KCNQ4: variants seen among roughly 807,000 people sequenced by gnomAD.
The protein encoded by KCNQ4 is potassium voltage-gated channel subfamily KQT member 4.
In KCNQ4, 31 loss-of-function variants were observed where a neutral mutation model predicts 72.6. The ratio of observed to expected loss-of-function variants is 0.43; its 90% confidence interval spans 0.32 to 0.58. The LOEUF (loss-of-function observed/expected upper bound fraction) is 0.58. Ranked by LOEUF, KCNQ4 falls within the 20% of genes least tolerant of loss-of-function variation. The pLI, the probability that KCNQ4 is intolerant of heterozygous loss-of-function variation, is 0.08. For synonymous variants in KCNQ4, 405 were observed against 403.7 expected (o/e 1.00, Z -0.04); for missense variants, 869 against 962.6 (o/e 0.90, Z 1.29).
At chr1:40,816,965 G>T (rs1424909507) in intron 1 of KCNQ4, among the ~76,000 whole-genome samples, 1 of 152,234 alleles carries the variant, frequency 6.6e-6, no homozygotes, top group Non-Finnish European at 1.5e-5. Context: ...GAGGAACCCT[G>T]AGTCAGTCTA....
chr1:40,799,444 G>A (rs1038459191), intron 1 of KCNQ4, among the ~76,000 whole-genome samples: 12 of 143,728 alleles, frequency 8.3e-5, no homozygotes, highest in African/African-American at 2.1e-4. Context: ...CCCCCCCCTC[G>A]CTAGGCAGTA....
In KCNQ4 at chr1:40,831,255, C is replaced by T. The variant is rs546996512; in HGVS notation, c.1464C>T (p.Arg488=). The T allele has an allele frequency of 5.7e-5, 92 of 1,608,124 alleles. No homozygotes were observed. The highest frequency in any genetic ancestry group is 7.8e-5 in the Non-Finnish European group (92 of 1,177,504). ...AAAAGAGCTGGAGCTTCAATGACCG[C>T]ACCCGCTTCCGGGCATCTCTGAGAC... is the stretch of plus-strand genomic sequence containing the variant. ...KVQKSWSFND[R]TRFRASLRLK... The change falls in exon 10 of 14, where the codon CGC becomes CGT. Residue 488 remains arginine, a synonymous_variant. Coordinates refer to ENST00000347132, the MANE Select transcript of KCNQ4 (RefSeq NM_004700.4).
chr1:40,819,605 C>A, intron 5 of KCNQ4, 133 bp downstream of exon 5: 1 of 1,233,670 alleles, frequency 8.1e-7, no homozygotes, highest in Non-Finnish European at 1.2e-6. Flanking sequence ...AGCTGGGACC[C>A]CCCTGAGACC....
intron 1 of KCNQ4, among the ~76,000 whole-genome samples, chr1:40,814,017 G>A (rs988988074): frequency 6.9e-6 from 1 of 145,814 alleles, no homozygotes; most frequent in Non-Finnish European, 1.5e-5. Flanking sequence ...AAAGTACTGG[G>A]ATTACAGGCG....
At chr1:40,815,298 C>T (rs1648052965) in intron 1 of KCNQ4, among the ~76,000 whole-genome samples, 1 of 151,748 alleles carries the variant, frequency 6.6e-6, no homozygotes, top group Admixed American at 6.6e-5. Context: ...AAGAAGAAGT[C>T]CCCAGAGTGG....
Position 40,820,239 on chromosome 1 carries a change from G to C in KCNQ4, c.1020G>C (p.Met340Ile). 1 of 1,608,104 alleles carries C rather than the reference G, an allele frequency of 6.2e-7. No homozygotes were observed. The highest frequency in any genetic ancestry group is 8.5e-7 in the Non-Finnish European group (1 of 1,177,458). Reference protein sequence around the residue: ...HRQKHFEKRRMPAANLIQAAW... With the variant: ...HRQKHFEKRRIPAANLIQAAW... ...AGAAGCACTTCGAGAAGCGGAGGATGCCGGCAGCCAACCTCATCCAGGTAC... is the reference window on the plus strand; with the variant it reads ...AGAAGCACTTCGAGAAGCGGAGGATCCCGGCAGCCAACCTCATCCAGGTAC... The change falls in exon 7 of 14, where the codon ATG becomes ATC. Residue 340 changes from methionine to isoleucine, a missense_variant. Physicochemically the swap from Met to Ile is conservative, Grantham distance 10. Around this residue, in one of 5 missense-constraint regions of KCNQ4, gnomAD observed 19 missense variants for 26.4 expected, o/e 0.72. Transcript: ENST00000347132.
intron 7 of KCNQ4, 136 bp from the exon 8 acceptor site, chr1:40,822,178 C>A (rs925243429): frequency 1.4e-6 from 1 of 725,736 alleles, no homozygotes; most frequent in East Asian, 2.7e-5. Context: ...CTGTCAGTGG[C>A]TGTGGAATTG....
In KCNQ4 at chr1:40,835,108, C is replaced by G. The variant is rs1162865213; in HGVS notation, c.1745+10C>G. The G allele has an allele frequency of 6.2e-7, 1 of 1,612,070 alleles. No individual in the cohort carries two copies. Among genetic ancestry groups the G allele is most frequent in the African/African-American group, 1.3e-5 (1 of 74,866 alleles). On this transcript the variant is annotated intron_variant, in intron 12 of 13. Transcript: ENST00000347132. ...AGAGCCTGCAAACTCGGTGGGTGCA[C>G]CGGGCCTGTTGGGAGGCAGGGGCAG...
At position 40,788,726 on chromosome 1, in the gene KCNQ4, G is replaced by A. The variant is rs1416073239; in HGVS notation, c.314+4319G>A. Among the ~76,000 whole-genome samples the A allele has an allele frequency of 6.6e-6, 1 of 152,142 alleles. No individual in the cohort carries two copies. Among genetic ancestry groups the A allele is most frequent in the Non-Finnish European group, 1.5e-5 (1 of 68,020 alleles). The stretch of plus-strand genomic sequence containing the variant: ...CTGTGTCATCTGTCCGTCCATCCCA[G>A]CACCCCGCACACAGTCAGCAGGGGG... On this transcript the variant is annotated intron_variant, in intron 1 of 13. Coordinates refer to ENST00000347132, the MANE Select transcript of KCNQ4 (RefSeq NM_004700.4). The surrounding 1 kb of genome is among the most constrained non-coding windows in gnomAD (Gnocchi z 4.5).
At chr1:40,822,185 A>C in intron 7 of KCNQ4, 129 bp from the exon 8 acceptor site, 1 of 757,546 alleles carries the variant, frequency 1.3e-6, no homozygotes, top group Non-Finnish European at 2.3e-6. Flanking sequence ...TGGCTGTGGA[A>C]TTGGAACTGG....
chr1:40,831,177 C>A lies in KCNQ4; in HGVS notation c.1386C>A (p.Pro462=). Residue 462 remains proline (P), a synonymous_variant, in exon 10 of 14, where the codon CCC becomes CCA. Coordinates refer to ENST00000347132, the MANE Select transcript of KCNQ4 (RefSeq NM_004700.4). ...SKQHLAPPTM[P]TSPSSEQVGE... ...AGCATCTGGCACCTCCAACAATGCCCACCTCCCCAAGCAGCGAGCAGGTGG... is the reference window on the plus strand; with the variant it reads ...AGCATCTGGCACCTCCAACAATGCCAACCTCCCCAAGCAGCGAGCAGGTGG... The A allele has an allele frequency of 6.2e-7, 1 of 1,611,358 alleles. No individual in the cohort carries two copies. The highest frequency in any genetic ancestry group is 8.5e-7 in the Non-Finnish European group (1 of 1,178,958).
intron 1 of KCNQ4, among the ~76,000 whole-genome samples, chr1:40,793,890 C>T (rs1182828484): frequency 2.0e-5 from 3 of 152,158 alleles, no homozygotes; most frequent in African/African-American, 4.8e-5. Context: ...CCCTTCAGTG[C>T]CCCCAGAGTT....
At position 40,784,451 on chromosome 1, in the gene KCNQ4, C is replaced by A. The variant is rs1440600655; in HGVS notation, c.314+44C>A. 1.3e-6 allele frequency: 2 copies of A among 1,585,020 alleles called. No homozygotes were observed. Among genetic ancestry groups the A allele is most frequent in the African/African-American group, 1.3e-5 (1 of 74,448 alleles). ...GCCCTTCCGCGTTTCCCCGCGCAAG[C>A]CTGGCCTCCCGGGGCACGGCCGCCC... On this transcript the variant is annotated intron_variant, in intron 1 of 13. Coordinates refer to ENST00000347132, the MANE Select transcript of KCNQ4 (RefSeq NM_004700.4). This position sits in a 1 kb window ranked among gnomAD's most constrained non-coding sequence, Gnocchi z 4.1.
intron 1 of KCNQ4, among the ~76,000 whole-genome samples, chr1:40,790,034 G>A (rs892474388): frequency 6.6e-6 from 1 of 152,244 alleles, no homozygotes; most frequent in Non-Finnish European, 1.5e-5. Flanking sequence ...AGCTCCTAGT[G>A]TGGGAGTTGA....
chr1:40,815,979 G>A (rs1648073302), intron 1 of KCNQ4, among the ~76,000 whole-genome samples: 1 of 152,220 alleles, frequency 6.6e-6, no homozygotes, highest in Admixed American at 6.5e-5. Context: ...ACATAGGGAG[G>A]CAAGCATCGG....
intron 1 of KCNQ4, among the ~76,000 whole-genome samples, chr1:40,809,952 C>G (rs1158277415): frequency 6.6e-6 from 1 of 152,050 alleles, no homozygotes; most frequent in African/African-American, 2.4e-5. Flanking sequence ...GTAATCCCAG[C>G]TACTCGGGAG....
At chr1:40,813,846 C>T (rs1206940657) in intron 1 of KCNQ4, among the ~76,000 whole-genome samples, 1 of 151,998 alleles carries the variant, frequency 6.6e-6, no homozygotes, top group Non-Finnish European at 1.5e-5. Context: ...CTCCTGGGTT[C>T]ATGCCATTGT....
At chr1:40,833,985 G>A (rs770847056) in intron 11 of KCNQ4, among the ~76,000 whole-genome samples, 25 of 151,960 alleles carry the variant, frequency 1.6e-4, no homozygotes, top group Non-Finnish European at 3.5e-4. Context: ...CTCCAGCCTG[G>A]GTGACAGAGT....
intron 11 of KCNQ4, among the ~76,000 whole-genome samples, chr1:40,834,472 C>T (rs975419254): frequency 6.6e-6 from 1 of 152,054 alleles, no homozygotes; most frequent in African/African-American, 2.4e-5. Context: ...GAGCCGGGAA[C>T]AGTGGGTCAC....
Sources: gnomAD v4.1 joint callset for allele counts (sites outside exome capture counted in the v4.1 genomes callset) on GRCh38, gnomAD v4.1.1 for gene constraint, gnomAD v4.1.1 regional missense constraint, Gnocchi (gnomAD v3.1) non-coding constraint, MANE v1.5 for transcripts, NCBI Gene and HGNC (gene_info 2026-07-23, HGNC 2026-07-21) for gene names.